Variants in TBC1D9B observed in about 807,000 individuals in gnomAD.
The protein encoded by TBC1D9B is TBC1 domain family, member 9B (with GRAM domain).
TBC1D9B carries 87 observed loss-of-function variants against 121.1 expected under a neutral mutation model. The ratio of observed to expected loss-of-function variants is 0.72; its 90% CI spans 0.60 to 0.86. The LOEUF (loss-of-function observed/expected upper bound fraction) is 0.86. Among genes scored for constraint, TBC1D9B ranks in the 40% least tolerant of loss-of-function variants. The pLI is 0.00. For missense variants in TBC1D9B, 1,540 were observed against 1,628.6 expected (o/e 0.95, Z 0.94); for synonymous variants, 668 against 670.1 (o/e 1.00, Z 0.05).
intron 3 of TBC1D9B, among the ~76,000 whole-genome samples, chr5:179,895,986 T>C (rs1235161584): frequency 1.3e-5 from 2 of 152,228 alleles, no homozygotes; most frequent in African/African-American, 4.8e-5. Flanking sequence ...TACGTTCTCC[T>C]TTATTGGAGA....
Position 179,885,944 on chromosome 5 carries a change from G to C in TBC1D9B, c.1254+2159C>G, listed in dbSNP as rs1760672651. 6.6e-6 allele frequency among the ~76,000 whole-genome samples: 1 copy of C among 152,134 alleles called. No homozygotes were observed. The highest frequency in any genetic ancestry group is 6.5e-5 in the Admixed American group (1 of 15,268). ...TCTCTGGTCTCACCTCCTACACCTGGTCAGTCTCCTAAGCCCTGGTCCCAG... is the reference window on the plus strand; with the variant it reads ...TCTCTGGTCTCACCTCCTACACCTGCTCAGTCTCCTAAGCCCTGGTCCCAG... On this transcript the variant is annotated intron_variant, in intron 7 of 20. Transcript: ENST00000355235. The surrounding 1 kb of genome is among the most constrained non-coding windows in gnomAD (Gnocchi z 4.5).
At position 179,891,715 on chromosome 5, in the gene TBC1D9B, G is replaced by C. The variant is rs935775534; in HGVS notation, c.837-129C>G. 2 of 988,294 alleles carry C rather than the reference G, an allele frequency of 2.0e-6. No homozygotes were observed. The highest frequency in any genetic ancestry group is 4.9e-5 in the Admixed American group (2 of 41,150). 61.2% of individuals were successfully genotyped at this position (988,294 alleles called of 1,614,324 possible). The stretch of plus-strand genomic sequence containing the variant: ...TTCAGGATCCCTGGGGTGGTCCCTT[G>C]AGCAAGTCATGCTCAGGGACCTCAG... On this transcript the variant is annotated intron_variant, in intron 5 of 20. Coordinates refer to ENST00000355235, the MANE Select transcript of TBC1D9B (RefSeq NM_015043.4). The surrounding 1 kb of genome is among the most constrained non-coding windows in gnomAD (Gnocchi z 4.3).
rs1759870500 is a variant in TBC1D9B, at chr5:179,862,406, CCA to C, written c.*1040_*1041del. 2.7e-6 allele frequency: 1 copy of C among 370,922 alleles called. No homozygotes were observed. Among genetic ancestry groups the C allele is most frequent in the Non-Finnish European group, 5.6e-6 (1 of 177,134 alleles). The allele number at this position is 370,922 out of a possible 1,614,324, so 23.0% of individuals were successfully genotyped here. ...GGGCCCCCTGCGGTCACCTTTGGCTCCACAGTCTGGTTCTTGAACCCAAGGGC... is the reference window on the plus strand; with the variant it reads ...GGGCCCCCTGCGGTCACCTTTGGCTCCAGTCTGGTTCTTGAACCCAAGGGC... On this transcript the variant is annotated 3_prime_UTR_variant, in exon 21 of 21. Transcript: ENST00000355235.
At chr5:179,870,870 G>A (rs1428398809) in intron 15 of TBC1D9B, among the ~76,000 whole-genome samples, 1 of 152,192 alleles carries the variant, frequency 6.6e-6, no homozygotes, top group Non-Finnish European at 1.5e-5. Context: ...TGTGACGCTA[G>A]GGCCACAGCG....
In TBC1D9B at chr5:179,904,580, C is replaced by T. The variant is rs1582109701; in HGVS notation, c.229+122G>A. On this transcript the variant is annotated intron_variant, in intron 2 of 20. Coordinates refer to ENST00000355235, the MANE Select transcript of TBC1D9B (RefSeq NM_015043.4). The surrounding 1 kb of genome is among the most constrained non-coding windows in gnomAD (Gnocchi z 4.2). ...GGCTCCTCCACTTCCCTCTTGCAGC[C>T]TTGGGCTATGCTGTCAGCAGGGAAT... The T allele has an allele frequency of 1.0e-5, 9 of 870,172 alleles. No homozygotes were observed. The East Asian group carries it at 2.5e-4, about 24-fold the overall frequency. The allele number at this position is 870,172 out of a possible 1,614,324, so 53.9% of individuals were successfully genotyped here.
At chr5:179,901,287 T>C (rs1474726411) in intron 2 of TBC1D9B, among the ~76,000 whole-genome samples, 12 of 152,186 alleles carry the variant, frequency 7.9e-5, no homozygotes, top group African/African-American at 2.9e-4. Flanking sequence ...CTTTCCCTGA[T>C]GCACAGAGGC....
At chr5:179,881,384 C>T (rs538731849) in intron 7 of TBC1D9B, among the ~76,000 whole-genome samples, 1 of 152,268 alleles carries the variant, frequency 6.6e-6, no homozygotes, top group East Asian at 1.9e-4. Context: ...TCCACGGGTG[C>T]CCTCCTGCCC....
intron 14 of TBC1D9B, 82 bp downstream of exon 14, chr5:179,872,810 G>A (rs1760240827): frequency 1.5e-6 from 2 of 1,377,284 alleles, no homozygotes; most frequent in Admixed American, 3.4e-5. Flanking sequence ...GTGCGGTGGA[G>A]CCCTGTACCC....
Position 179,870,296 on chromosome 5 carries a change from T to C in TBC1D9B, c.2684A>G (p.Lys895Arg). 1 of 1,613,888 alleles carries C rather than the reference T, an allele frequency of 6.2e-7. No individual in the cohort carries two copies. The highest frequency in any genetic ancestry group is 1.1e-5 in the South Asian group (1 of 91,086). ...GRMFRLLDEN[K>R]DSLINFKEFV... The stretch of plus-strand genomic sequence containing the variant: ...CTCCTTGAAGTTGATCAGCGAGTCC[T>C]TGTTTTCGTCCAGGAGCCTGAACAT... The change falls in exon 16 of 21, where the codon AAG (lysine) becomes AGG (arginine). Residue 895 changes from lysine (K) to arginine (R), a missense_variant. Lys to Arg is a conservative substitution (Grantham distance 26, BLOSUM62 2). Coordinates refer to ENST00000355235, the MANE Select transcript of TBC1D9B (RefSeq NM_015043.4).
intron 14 of TBC1D9B, chr5:179,872,678 T>G: frequency 1.7e-6 from 1 of 572,312 alleles, no homozygotes; most frequent in East Asian, 2.9e-5. Context: ...AGCTTCCCGG[T>G]GACACATCCA....
At chr5:179,869,638 A>T (rs916752878) in intron 17 of TBC1D9B, 131 bp downstream of exon 17, 11 of 976,676 alleles carry the variant, frequency 1.1e-5, no homozygotes, top group Non-Finnish European at 1.8e-5. Context: ...CTCTCCTCCA[A>T]TGTGAACCTC....
In TBC1D9B at chr5:179,874,926, C is replaced by T. The variant is rs751677100; in HGVS notation, c.2162G>A (p.Gly721Asp). Residue 721 changes from glycine (G) to aspartate (D), a missense_variant, in exon 12 of 21, where the codon GGC becomes GAC. Coordinates refer to ENST00000355235, the MANE Select transcript of TBC1D9B (RefSeq NM_015043.4). The surrounding 1 kb of genome is among the most constrained non-coding windows in gnomAD (Gnocchi z 4.3). The stretch of plus-strand genomic sequence containing the variant: ...CCTGCCCAGCATGGTCATGGCCTCG[C>T]CCTCGTCGCTGCAGCCCAGCAGCTG... ...MEQLLGCSDEGEAMTMLGRYL... is the reference protein window; with the variant it reads ...MEQLLGCSDEDEAMTMLGRYL... The T allele has an allele frequency of 1.2e-6, 2 of 1,613,504 alleles. No individual in the cohort carries two copies. The highest frequency in any genetic ancestry group is 1.7e-5 in the Admixed American group (1 of 60,028).
chr5:179,877,070 CA>C (rs58537646), intron 10 of TBC1D9B, among the ~76,000 whole-genome samples: 3,228 of 34,004 alleles, frequency 0.095, 38 homozygotes, highest in African/African-American at 0.25. Flanking sequence ...GATCCTGTCT[CA>C]AAAAAAAAAA....
rs1474118908 is a variant in TBC1D9B, at chr5:179,863,484, G to A, written c.3666C>T (p.Thr1222=). ...CTCCAGGCTGCTCATGGTCACTGGCGGTGCTGAACTGTCTCTCCACTTTCT... is the reference window on the plus strand; with the variant it reads ...CTCCAGGCTGCTCATGGTCACTGGCAGTGCTGAACTGTCTCTCCACTTTCT... ...DQKKVERQFS[T]ASDHEQPGVS... Residue 1222 remains threonine (T), a synonymous_variant, in exon 21 of 21, where the codon ACC becomes ACT. Coordinates refer to ENST00000355235, the MANE Select transcript of TBC1D9B (RefSeq NM_015043.4). This position sits in a 1 kb window ranked among gnomAD's most constrained non-coding sequence, Gnocchi z 4.5. The A allele has an allele frequency of 7.4e-6, 12 of 1,614,174 alleles. No individual in the cohort carries two copies. The East Asian group carries it at 8.9e-5, about 12-fold the overall frequency.
chr5:179,882,919 G>C (rs778171744), intron 7 of TBC1D9B, among the ~76,000 whole-genome samples: 1 of 152,156 alleles, frequency 6.6e-6, no homozygotes. Flanking sequence ...TCTCAGGATC[G>C]TGGCCCATTG....
rs1759924396 is a variant in TBC1D9B at position 179,863,859 on chromosome 5, G to A, written c.3291C>T (p.Asp1097=). Residue 1097 remains aspartate (D), a synonymous_variant, in exon 21 of 21, where the codon GAC becomes GAT. Transcript: ENST00000355235. This position sits in a 1 kb window ranked among gnomAD's most constrained non-coding sequence, Gnocchi z 4.5. ...AGDPQAKAGG[D]THLGKAPQES... The stretch of plus-strand genomic sequence containing the variant: ...CCTGTGGGGCTTTTCCGAGGTGTGT[G>A]TCTCCGCCTGCTTTGGCTTGGGGGT... 6.2e-7 allele frequency: 1 copy of A among 1,613,206 alleles called. No homozygotes were observed. The highest frequency in any genetic ancestry group is 8.5e-7 in the Non-Finnish European group (1 of 1,179,556).
At chr5:179,870,564 TGG>T in intron 15 of TBC1D9B, 69 bp from the exon 16 acceptor site, 3 of 1,511,382 alleles carry the variant, frequency 2.0e-6, no homozygotes, top group Non-Finnish European at 2.6e-6. Context: ...CCTAGGCTGG[TGG>T]TGTGTCCACC....
In TBC1D9B at chr5:179,865,509, A is replaced by G; in HGVS notation, c.2915-149T>C. 2 of 730,650 alleles carry G rather than the reference A, an allele frequency of 2.7e-6. No homozygotes were observed. Among genetic ancestry groups the G allele is most frequent in the South Asian group, 1.7e-5 (1 of 57,994 alleles). The allele number at this position is 730,650 out of a possible 1,614,324, so 45.3% of individuals were successfully genotyped here. A position where few individuals can be genotyped will look rare whatever the true frequency, so the allele number is the denominator to read the frequency against. ...TGGCGTTTGGGAAGGTGGTCATGGGAAAAAAACCCAGAACAGCCACAGGTT... is the reference window on the plus strand; with the variant it reads ...TGGCGTTTGGGAAGGTGGTCATGGGGAAAAAACCCAGAACAGCCACAGGTT... On this transcript the variant is annotated intron_variant, in intron 19 of 20. Coordinates refer to ENST00000355235, the MANE Select transcript of TBC1D9B (RefSeq NM_015043.4). The surrounding 1 kb of genome is among the most constrained non-coding windows in gnomAD (Gnocchi z 5.1).
chr5:179,882,975 C>T (rs2113625448), intron 7 of TBC1D9B, among the ~76,000 whole-genome samples: 1 of 152,322 alleles, frequency 6.6e-6, no homozygotes, highest in East Asian at 1.9e-4. Flanking sequence ...TCTTGTGCCT[C>T]AGCCTCCCAA....
Sources: gnomAD v4.1 joint callset for allele counts (sites outside exome capture counted in the v4.1 genomes callset) on GRCh38, gnomAD v4.1.1 for gene constraint, Gnocchi (gnomAD v3.1) non-coding constraint, MANE v1.5 for transcripts, NCBI Gene and HGNC (gene_info 2026-07-23, HGNC 2026-07-21) for gene names.